Variants in PAPLN observed in about 807,000 individuals in gnomAD.
The protein encoded by PAPLN is papilin, proteoglycan like sulfated glycoprotein.
A neutral mutation model predicts 159.0 loss-of-function variants in PAPLN; 146 were observed. That is an observed-to-expected ratio of 0.92 (90% CI 0.80 to 1.05). The LOEUF is 1.05. Ranked by LOEUF, PAPLN falls within the 50% of genes least tolerant of loss-of-function variation. The pLI, the probability that PAPLN is intolerant of heterozygous loss-of-function variation, is 0.00. For synonymous variants in PAPLN, 734 were observed against 702.9 expected (o/e 1.04, Z -0.70); for missense variants, 1,720 against 1,743.9 (o/e 0.99, Z 0.24).
intron 18 of PAPLN, 64 bp downstream of exon 18, chr14:73,261,358 C>T: frequency 6.4e-7 from 1 of 1,568,546 alleles, no homozygotes; most frequent in Non-Finnish European, 8.6e-7. Flanking sequence ...TGCCTCCAGC[C>T]CCCACCCAGG....
At position 73,257,153 on chromosome 14, in the gene PAPLN, G is replaced by A. The variant is rs1186537688; in HGVS notation, c.1628-1826G>A. ...TGCCCAGCTAATTTTTTGATTTTTTGTTGAGATGGGCTCTTGTTATGTTGT... is the reference window on the plus strand; with the variant it reads ...TGCCCAGCTAATTTTTTGATTTTTTATTGAGATGGGCTCTTGTTATGTTGT... On this transcript the variant is annotated intron_variant, in intron 14 of 26. Transcript: ENST00000644200. 2.0e-5 allele frequency among the ~76,000 whole-genome samples: 3 copies of A among 152,064 alleles called. No homozygotes were observed. In the East Asian group the frequency reaches 5.8e-4, roughly 29 times the overall value.
chr14:73,237,251 G>T (rs1594767008), upstream of PAPLN, among the ~76,000 whole-genome samples: 1 of 152,200 alleles, frequency 6.6e-6, no homozygotes, highest in African/African-American at 2.4e-5. Context: ...TTGGGCAAGG[G>T]GAAATGGGAT....
intron 14 of PAPLN, among the ~76,000 whole-genome samples, chr14:73,256,447 G>T (rs996460247): frequency 1.5e-4 from 22 of 146,648 alleles, no homozygotes; most frequent in African/African-American, 5.6e-4. Context: ...CAGGAGAATT[G>T]CTTGAACCTG....
chr14:73,266,860 T>TCC, intron 25 of PAPLN, 29 bp downstream of exon 25: 1 of 1,576,726 alleles, frequency 6.3e-7, no homozygotes, highest in Non-Finnish European at 8.6e-7. Flanking sequence ...GTTGTCCCTG[T>TCC]CCCCAGACCT....
intron 19 of PAPLN, 52 bp from the exon 20 acceptor site, chr14:73,263,578 ACTGCTTAGGGTGGTT>A (rs749092989): frequency 9.4e-6 from 15 of 1,601,788 alleles, no homozygotes; most frequent in Non-Finnish European, 1.3e-5. Flanking sequence ...CATGGAACAC[ACTGCTTAGGGTGGTT>A]CTGGTCCTGG....
At chr14:73,268,833 C>G (rs1225581314) in intron 26 of PAPLN, 110 bp downstream of exon 26, 1 of 1,293,510 alleles carries the variant, frequency 7.7e-7, no homozygotes, top group African/African-American at 1.5e-5. Context: ...CCTGGCTCAC[C>G]CTGCCAGTTG....
chr14:73,253,253 C>A lies in PAPLN; in HGVS notation c.1094+478C>A, dbSNP rs748763273. On this transcript the variant is annotated intron_variant, in intron 11 of 26. Coordinates refer to ENST00000644200, the MANE Select transcript of PAPLN (RefSeq NM_001365906.3). Reference sequence around the variant, plus strand: ...TAACCTGCAGGTCACAGGCTCCCCGCAGGGCTGGTGCCACCCTGTCACCGC... The same window carrying A: ...TAACCTGCAGGTCACAGGCTCCCCGAAGGGCTGGTGCCACCCTGTCACCGC... 3 of 1,356,374 alleles carry A rather than the reference C, an allele frequency of 2.2e-6. No homozygotes were observed. In the South Asian group the frequency reaches 3.4e-5, roughly 15 times the overall value. The allele number at this position is 1,356,374 out of a possible 1,614,324, so 84.0% of individuals were successfully genotyped here.
chr14:73,235,839 C>T (rs1335799514), upstream of PAPLN, among the ~76,000 whole-genome samples: 1 of 152,258 alleles, frequency 6.6e-6, no homozygotes, highest in Non-Finnish European at 1.5e-5. Flanking sequence ...ACAGCTGCTG[C>T]TCCTCCTGTC....
At chr14:73,237,146 A>G (rs141443426), upstream of PAPLN, among the ~76,000 whole-genome samples, 1 of 152,150 alleles carries the variant, frequency 6.6e-6, no homozygotes, top group Non-Finnish European at 1.5e-5. Flanking sequence ...CGGCTGAAGA[A>G]TAGGATCCAG....
chr14:73,239,530 AGTT>A, intron 1 of PAPLN: 1 of 565,028 alleles, frequency 1.8e-6, no homozygotes, highest in Non-Finnish European at 2.9e-6. Flanking sequence ...CTCTGAAACA[AGTT>A]GTTCTTGAAC....
At chr14:73,260,596 C>T (rs1026994854) in intron 16 of PAPLN, 113 bp from the exon 17 acceptor site, 2 of 1,316,338 alleles carry the variant, frequency 1.5e-6, no homozygotes, top group Non-Finnish European at 2.0e-6. Context: ...CCTCTCCCCC[C>T]CAGGTCCCCA....
At chr14:73,256,602 G>A (rs1449918026) in intron 14 of PAPLN, among the ~76,000 whole-genome samples, 2 of 149,264 alleles carry the variant, frequency 1.3e-5, no homozygotes, top group Admixed American at 1.3e-4. Flanking sequence ...CCAAATTATT[G>A]TTTTAAATAT....
Position 73,251,853 on chromosome 14 carries a change from G to A in PAPLN, c.843+17G>A, listed in dbSNP as rs374492608. On this transcript the variant is annotated intron_variant, in intron 9 of 26. Coordinates refer to ENST00000644200, the MANE Select transcript of PAPLN (RefSeq NM_001365906.3). The stretch of plus-strand genomic sequence containing the variant: ...GTCATCGAGGTAAATGGGGGTGTGG[G>A]GAGAGAGGGCGAGTGGGCAGCTCGT... 46 of 1,582,864 alleles carry A rather than the reference G, an allele frequency of 2.9e-5. No homozygotes were observed. In the African/African-American group the frequency reaches 5.0e-4, roughly 17 times the overall value.
intron 1 of PAPLN, 29 bp from the exon 2 acceptor site, chr14:73,239,744 G>A (rs1444228825): frequency 1.3e-6 from 2 of 1,555,804 alleles, no homozygotes; most frequent in Non-Finnish European, 1.7e-6. Context: ...GGAGCCCCGG[G>A]CCGCTCTAAC....
rs749828849 is a variant in PAPLN, at chr14:73,265,457, G to A, written c.3213G>A (p.Pro1071=). The change falls in exon 23 of 27, where the codon CCG becomes CCA. Residue 1071 remains proline (P), a synonymous_variant. Transcript: ENST00000644200. The surrounding 1 kb of genome is among the most constrained non-coding windows in gnomAD (Gnocchi z 4.1). ...IRMTCRAEGF[P]PPAIEWQRDG... is the part of the protein sequence containing the mutation. ...TGACCTGCCGTGCCGAAGGCTTCCCGCCCCCAGCCATCGAGTGGCAGAGAG... is the reference window on the plus strand; with the variant it reads ...TGACCTGCCGTGCCGAAGGCTTCCCACCCCCAGCCATCGAGTGGCAGAGAG... The A allele has an allele frequency of 2.4e-5, 39 of 1,613,498 alleles. No homozygotes were observed. Among genetic ancestry groups the A allele is most frequent in the Non-Finnish European group, 2.9e-5 (34 of 1,180,024 alleles).
In PAPLN at chr14:73,264,437, A is replaced by G. The variant is rs1887000547; in HGVS notation, c.2986+102A>G. 7.8e-6 allele frequency: 12 copies of G among 1,533,822 alleles called. No homozygotes were observed. The South Asian group carries it at 1.1e-4, about 15-fold the overall frequency. On this transcript the variant is annotated intron_variant, in intron 21 of 26. Coordinates refer to ENST00000644200, the MANE Select transcript of PAPLN (RefSeq NM_001365906.3). ...GGGCTGCCTCACGCTAGAGGGGCCC[A>G]GGGTGTCTCTCTGAGTCAATTCCTC...
intron 7 of PAPLN, 104 bp from the exon 8 acceptor site, chr14:73,251,382 C>T (rs1332872225): frequency 8.2e-7 from 1 of 1,222,798 alleles, no homozygotes; most frequent in Non-Finnish European, 1.1e-6. Context: ...TCTTGTGTAC[C>T]CTCCCTGCCC....
chr14:73,246,265 CAT>C (rs142277220), intron 5 of PAPLN, 90 bp downstream of exon 5: 5,824 of 973,584 alleles, frequency 6.0e-3, no homozygotes, highest in Non-Finnish European at 6.6e-3. Flanking sequence ...GAGGCGTTGT[CAT>C]ATATATATAT....
chr14:73,251,107 C>G (rs1200041987), intron 7 of PAPLN, 77 bp downstream of exon 7: 1 of 1,539,274 alleles, frequency 6.5e-7, no homozygotes, highest in Non-Finnish European at 8.7e-7. Flanking sequence ...CCTGCTCTGG[C>G]CTAGACTCCA....
Sources: allele counts gnomAD v4.1 joint callset (sites outside exome capture counted in the v4.1 genomes callset), GRCh38; gene constraint gnomAD v4.1.1; non-coding constraint Gnocchi (gnomAD v3.1); transcripts MANE v1.5; gene names NCBI Gene and HGNC (gene_info 2026-07-23, HGNC 2026-07-21).